Variants in POLN observed in about 807,000 individuals in gnomAD.
POLN encodes the protein DNA polymerase nu.
POLN carries 108 observed loss-of-function variants against 113.5 expected under a neutral mutation model. That is an observed-to-expected ratio of 0.95 (90% CI 0.81 to 1.12). The LOEUF (loss-of-function observed/expected upper bound fraction) is 1.12, where lower values mean the gene tolerates loss of function less well. POLN is among the 50% of genes most tolerant of loss of function. The probability of loss-of-function intolerance (pLI) is 0.00; values close to 1 mark genes in which losing one functional copy is unlikely to be tolerated. For synonymous variants in POLN, 386 were observed against 391.5 expected (o/e 0.99, Z 0.17); for missense variants, 1,097 against 1,077.1 (o/e 1.02, Z -0.26).
intron 24 of POLN, among the ~76,000 whole-genome samples, chr4:2,074,356 C>T (rs1730226683): frequency 6.6e-6 from 1 of 152,182 alleles, no homozygotes; most frequent in Non-Finnish European, 1.5e-5. Flanking sequence ...AGTCCCTGGC[C>T]CCGAGTGCTC....
At chr4:2,106,287 C>T (rs1341607104) in intron 19 of POLN, among the ~76,000 whole-genome samples, 2 of 152,180 alleles carry the variant, frequency 1.3e-5, no homozygotes, top group Non-Finnish European at 2.9e-5. Flanking sequence ...TCCTGGTTTC[C>T]TGGGAACTGC....
In POLN at chr4:2,081,719, C is replaced by T. The variant is rs757005759; in HGVS notation, c.2222G>A (p.Arg741Lys). The change falls in exon 22 of 26, where the codon AGA becomes AAA. Residue 741 changes from arginine to lysine, a missense_variant. By Grantham distance (26) the Arg-to-Lys change is conservative. Coordinates refer to ENST00000511885, the MANE Select transcript of POLN (RefSeq NM_181808.4). ...GTGAATCCTTGGCAGGGGTCTCCTT[C>T]TGCCCATGATGGACACCACACAGCC... ...QTGCVVSIMG[R>K]RRPLPRIHAH... 7.4e-6 allele frequency: 12 copies of T among 1,614,142 alleles called. No individual in the cohort carries two copies. The highest frequency in any genetic ancestry group is 3.3e-4 in the Middle Eastern group (2 of 6,062).
chr4:2,134,931 C>T (rs1411516666), intron 16 of POLN, among the ~76,000 whole-genome samples: 2 of 152,208 alleles, frequency 1.3e-5, no homozygotes, highest in Non-Finnish European at 2.9e-5. Flanking sequence ...GTACAAATTG[C>T]CACCTTCGAC....
intron 3 of POLN, among the ~76,000 whole-genome samples, chr4:2,217,730 C>T (rs1183414095): frequency 6.6e-6 from 1 of 152,248 alleles, no homozygotes; most frequent in African/African-American, 2.4e-5. Flanking sequence ...CCTTAAGCTT[C>T]ACATGGCATC....
intron 2 of POLN, among the ~76,000 whole-genome samples, chr4:2,235,713 C>T (rs1400602404): frequency 6.6e-6 from 1 of 151,992 alleles, no homozygotes; most frequent in Non-Finnish European, 1.5e-5. Context: ...ACATAAAGTT[C>T]AACGACATAT....
chr4:2,207,948 G>A, intron 5 of POLN, 39 bp downstream of exon 5: 3 of 1,535,410 alleles, frequency 2.0e-6, no homozygotes, highest in East Asian at 2.3e-5. Flanking sequence ...TTCTTTTATG[G>A]TGTCAAGACA....
At chr4:2,236,850 G>A (rs1734784674) in intron 2 of POLN, among the ~76,000 whole-genome samples, 1 of 151,002 alleles carries the variant, frequency 6.6e-6, no homozygotes, top group Non-Finnish European at 1.5e-5. Context: ...GCGACAGAGT[G>A]AGACTCCGTC....
intron 16 of POLN, among the ~76,000 whole-genome samples, chr4:2,151,736 T>A (rs1310798959): frequency 6.6e-6 from 1 of 152,150 alleles, no homozygotes; most frequent in Non-Finnish European, 1.5e-5. Flanking sequence ...GCTGTGTGGC[T>A]CCATTCACAG....
chr4:2,073,139 C>A, intron 24 of POLN, 110 bp from the exon 25 acceptor site: 1 of 1,055,356 alleles, frequency 9.5e-7, no homozygotes, highest in East Asian at 2.5e-5. Flanking sequence ...CCTGAGCCCC[C>A]TTGTTTCCTG....
chr4:2,085,999 G>A (rs1730540638), intron 20 of POLN, among the ~76,000 whole-genome samples: 2 of 152,202 alleles, frequency 1.3e-5, no homozygotes, highest in African/African-American at 4.8e-5. Flanking sequence ...AGTAGACATG[G>A]TCCCTCCTCC....
Position 2,193,187 on chromosome 4 carries a change from T to TA in POLN, c.1021+16dup. 6.5e-7 allele frequency: 1 copy of TA among 1,541,238 alleles called. No individual in the cohort carries two copies. The highest frequency in any genetic ancestry group is 8.9e-7 in the Non-Finnish European group (1 of 1,120,852). ...TTGAAGAGTTAAATTATAGAGAGAA[T>TA]AAAAAATATAACTTACCATGCTTCC... On this transcript the variant is annotated intron_variant, in intron 7 of 25. Coordinates refer to ENST00000511885, the MANE Select transcript of POLN (RefSeq NM_181808.4).
In POLN at chr4:2,126,152, G is replaced by A. The variant is rs562698554; in HGVS notation, c.1982+1961C>T. On this transcript the variant is annotated intron_variant, in intron 19 of 25. Transcript: ENST00000511885. The surrounding 1 kb of genome is among the most constrained non-coding windows in gnomAD (Gnocchi z 4.6). The stretch of plus-strand genomic sequence containing the variant: ...TGTGCTGTGCTCGTCACATCGACCC[G>A]GTACAGTGCCTCTTCCTGTGCTGGG... 1.3e-5 allele frequency among the ~76,000 whole-genome samples: 2 copies of A among 152,308 alleles called. No homozygotes were observed. Among genetic ancestry groups the A allele is most frequent in the African/African-American group, 4.8e-5 (2 of 41,560 alleles).
In POLN at chr4:2,152,818, T is replaced by C. The variant is rs1732327508; in HGVS notation, c.1731+3970A>G. Among the ~76,000 whole-genome samples the C allele has an allele frequency of 2.0e-5, 3 of 152,144 alleles. No homozygotes were observed. The South Asian group carries it at 6.2e-4, about 32-fold the overall frequency. ...AGACAGAAACAATGAGGGATGTCAG[T>C]ACAGGGGAAAGTCACCATAGAGAGT... On this transcript the variant is annotated intron_variant, in intron 16 of 25. Transcript: ENST00000511885.
chr4:2,123,624 C>CAAAAA (rs771462226), intron 19 of POLN, among the ~76,000 whole-genome samples: 2 of 54,954 alleles, frequency 3.6e-5, no homozygotes, highest in Non-Finnish European at 7.2e-5. Flanking sequence ...GACCCTGTCT[C>CAAAAA]AAAAAAAAAA....
At chr4:2,144,407 T>C (rs1732083071) in intron 16 of POLN, among the ~76,000 whole-genome samples, 2 of 152,104 alleles carry the variant, frequency 1.3e-5, no homozygotes, top group Admixed American at 1.3e-4. Context: ...CCTCCCCAAG[T>C]GCCGGGATTA....
intron 16 of POLN, chr4:2,140,918 G>C (rs1260424469): frequency 2.6e-5 from 4 of 152,344 alleles, no homozygotes; most frequent in African/African-American, 9.7e-5. Flanking sequence ...GAGACACAGG[G>C]AGACACTTGC....
intron 2 of POLN, chr4:2,231,960 T>G (rs757297222): frequency 7.0e-7 from 1 of 1,435,674 alleles, no homozygotes; most frequent in African/African-American, 1.4e-5. Flanking sequence ...TAATCTTTGA[T>G]TGAGTTTCTA....
At chr4:2,140,277 C>T (rs1410158185) in intron 16 of POLN, among the ~76,000 whole-genome samples, 2 of 152,034 alleles carry the variant, frequency 1.3e-5, no homozygotes, top group Admixed American at 6.6e-5. Flanking sequence ...GGGGGTTTCA[C>T]CTTGTTGGTC....
intron 13 of POLN, among the ~76,000 whole-genome samples, chr4:2,163,027 CAAAAAAAAAAAA>C (rs66769262): frequency 3.0e-5 from 2 of 66,550 alleles, no homozygotes; most frequent in East Asian, 8.6e-4. Context: ...CAGTTCCTAC[CAAAAAAAAAAAA>C]AAAAAAAAAA....
Sources: gnomAD v4.1 joint callset for allele counts (sites outside exome capture counted in the v4.1 genomes callset) on GRCh38, gnomAD v4.1.1 for gene constraint, Gnocchi (gnomAD v3.1) non-coding constraint, MANE v1.5 for transcripts, NCBI Gene and HGNC (gene_info 2026-07-23, HGNC 2026-07-21) for gene names.